FAT1: variants seen among roughly 807,000 people sequenced by gnomAD.
FAT1 encodes the protein FAT atypical cadherin 1.
FAT1 carries 171 observed loss-of-function variants against 329.8 expected under a neutral mutation model. That is an observed-to-expected ratio of 0.52 (90% CI 0.46 to 0.59). FAT1 has a LOEUF of 0.59. FAT1 is among the 20% of genes least tolerant of loss of function. The pLI, the probability that FAT1 is intolerant of heterozygous loss-of-function variation, is 0.00. For synonymous variants in FAT1, 2,233 were observed against 2,228.6 expected (o/e 1.00, Z -0.06); for missense variants, 5,672 against 5,774.4 (o/e 0.98, Z 0.57).
chr4:186,697,034 ATAAT>A (rs898921657), intron 2 of FAT1, among the ~76,000 whole-genome samples: 273 of 152,232 alleles, frequency 1.8e-3, no homozygotes, highest in African/African-American at 5.8e-3. Context: ...GTCTTAGAAA[ATAAT>A]TAATTAATTA....
Position 186,709,072 on chromosome 4 carries a change from T to C in FAT1, c.756A>G (p.Glu252=), listed in dbSNP as rs2126701304. Residue 252 remains glutamate (E), a synonymous_variant, in exon 2 of 27, where the codon GAA becomes GAG. Coordinates refer to ENST00000441802, the MANE Select transcript of FAT1 (RefSeq NM_005245.4). ...KLTVHIEQAN[E]CAPVITAVTL... ...TCACTGCTGTTATCACCGGAGCACATTCATTGGCCTGTTCGATGTGCACCG... is the reference window on the plus strand; with the variant it reads ...TCACTGCTGTTATCACCGGAGCACACTCATTGGCCTGTTCGATGTGCACCG... 2 of 1,613,920 alleles carry C rather than the reference T, an allele frequency of 1.2e-6. No homozygotes were observed. Among genetic ancestry groups the C allele is most frequent in the Non-Finnish European group, 8.5e-7 (1 of 1,179,806 alleles).
In FAT1 at chr4:186,598,034, G is replaced by C; in HGVS notation, c.12195C>G (p.Gly4065=). 2 of 1,613,864 alleles carry C rather than the reference G, an allele frequency of 1.2e-6. No homozygotes were observed. The highest frequency in any genetic ancestry group is 1.7e-6 in the Non-Finnish European group (2 of 1,179,834). ...AGCCTCCGTTGTCGACAACACACGT[G>C]CCCCCATAGAGGCATGGCTTGGAGG... ...PCSSKPCLYG[G]TCVVDNGGFV... The change falls in exon 23 of 27, where the codon GGC becomes GGG. Residue 4065 remains glycine, a synonymous_variant. Transcript: ENST00000441802.
At chr4:186,625,253 G>T (rs1044693666) in intron 9 of FAT1, among the ~76,000 whole-genome samples, 1 of 152,138 alleles carries the variant, frequency 6.6e-6, no homozygotes, top group Non-Finnish European at 1.5e-5. Context: ...TGCACAAATG[G>T]AATGCACTGT....
At position 186,623,641 on chromosome 4, in the gene FAT1, C is replaced by T. The variant is rs184291996; in HGVS notation, c.4811-1866G>A. On this transcript the variant is annotated intron_variant, in intron 9 of 26. Transcript: ENST00000441802. The stretch of plus-strand genomic sequence containing the variant: ...GTGGAGGAGGCTGGTGCTGCTAGAA[C>T]ACACTGCTTTCTGCAAAACTTGCTC... Among the ~76,000 whole-genome samples the T allele has an allele frequency of 2.3e-4, 35 of 152,304 alleles. No homozygotes were observed. The East Asian group carries it at 6.2e-3, about 27-fold the overall frequency.
At chr4:186,718,287 C>T (rs1405117150) in intron 1 of FAT1, among the ~76,000 whole-genome samples, 3 of 152,164 alleles carry the variant, frequency 2.0e-5, no homozygotes, top group South Asian at 2.1e-4. Flanking sequence ...TACTCTGATA[C>T]CACAAAATCC....
chr4:186,661,053 A>T (rs557600918), intron 3 of FAT1, among the ~76,000 whole-genome samples: 1 of 152,358 alleles, frequency 6.6e-6, no homozygotes, highest in Non-Finnish European at 1.5e-5. Context: ...AGTCTAATTC[A>T]TCAAACAAAT....
At chr4:186,701,548 T>C (rs1282239225) in intron 2 of FAT1, among the ~76,000 whole-genome samples, 1 of 152,162 alleles carries the variant, frequency 6.6e-6, no homozygotes, top group East Asian at 1.9e-4. Context: ...ATCAAGTTCC[T>C]GCTGCCAGGA....
At chr4:186,687,175 A>G (rs1400149722) in intron 2 of FAT1, among the ~76,000 whole-genome samples, 1 of 152,216 alleles carries the variant, frequency 6.6e-6, no homozygotes, top group East Asian at 1.9e-4. Flanking sequence ...GGTTATAAAA[A>G]TCAGAATTTT....
At chr4:186,715,239 G>C (rs1745155378) in intron 1 of FAT1, among the ~76,000 whole-genome samples, 1 of 151,382 alleles carries the variant, frequency 6.6e-6, no homozygotes, top group Admixed American at 6.6e-5. Flanking sequence ...CAGGTGCTCA[G>C]TCCCACCACA....
chr4:186,655,693 G>A (rs544974129), intron 3 of FAT1, among the ~76,000 whole-genome samples: 14 of 152,014 alleles, frequency 9.2e-5, no homozygotes, highest in African/African-American at 2.7e-4. Context: ...TCAGCCTCCC[G>A]AAGTGCTGGG....
intron 2 of FAT1, among the ~76,000 whole-genome samples, chr4:186,669,655 T>G (rs1049948941): frequency 6.6e-5 from 10 of 152,166 alleles, no homozygotes; most frequent in African/African-American, 2.4e-4. Context: ...GAAACTCACT[T>G]TAAATATGCA....
chr4:186,679,666 C>A (rs1743123656), intron 2 of FAT1, among the ~76,000 whole-genome samples: 1 of 150,780 alleles, frequency 6.6e-6, no homozygotes. Flanking sequence ...TCAAATATTT[C>A]CAGCTCATGA....
chr4:186,637,377 T>G (rs1248974002), intron 4 of FAT1, among the ~76,000 whole-genome samples: 1 of 152,198 alleles, frequency 6.6e-6, no homozygotes, highest in Non-Finnish European at 1.5e-5. Context: ...TTAAACTTCA[T>G]CAGTAAAATA....
At chr4:186,635,908 C>T (rs1032633999) in intron 6 of FAT1, 117 bp downstream of exon 6, 5 of 839,564 alleles carry the variant, frequency 6.0e-6, no homozygotes, top group African/African-American at 3.4e-5. Context: ...AAATTCTCCA[C>T]CTGTCGATCT....
chr4:186,637,120 G>C (rs1560956568), intron 4 of FAT1, among the ~76,000 whole-genome samples: 1 of 152,104 alleles, frequency 6.6e-6, no homozygotes, highest in African/African-American at 2.4e-5. Context: ...AGAGTCAGGG[G>C]GCCGGGCATG....
rs1743895318 is a variant in FAT1 at position 186,693,584 on chromosome 4, C to T, written c.3265+12979G>A. Among the ~76,000 whole-genome samples the T allele has an allele frequency of 1.7e-5, 2 of 117,974 alleles. 1 individual carries two copies. The highest frequency in any genetic ancestry group is 3.5e-5 in the Non-Finnish European group (2 of 56,796). The allele number at this position is 117,974 out of a possible 152,430, so 77.4% of individuals were successfully genotyped here. A position where few individuals can be genotyped will look rare whatever the true frequency, so the allele number is the denominator to read the frequency against. ...ACCTCCTGGGAGCAGGGCCCTCGAGCTCAACAGCAACTGATCAAACATGAG... is the reference window on the plus strand; with the variant it reads ...ACCTCCTGGGAGCAGGGCCCTCGAGTTCAACAGCAACTGATCAAACATGAG... On this transcript the variant is annotated intron_variant, in intron 2 of 26. Transcript: ENST00000441802.
In FAT1 at chr4:186,619,381, T is replaced by C. The variant is rs2126504996; in HGVS notation, c.7205A>G (p.His2402Arg). 1.2e-6 allele frequency: 2 copies of C among 1,613,978 alleles called. No individual in the cohort carries two copies. Among genetic ancestry groups the C allele is most frequent in the South Asian group, 2.2e-5 (2 of 91,076 alleles). Residue 2402 changes from histidine (H) to arginine (R), a missense_variant, in exon 10 of 27, where the codon CAC becomes CGC. His to Arg is a conservative substitution (Grantham distance 29). Around this residue, in one of 2 missense-constraint regions of FAT1, gnomAD observed 3,966 missense variants for 3,915.2 expected, o/e 1.01. Transcript: ENST00000441802. ...GGTCACGAAATGCCCATGAGGGGCG[T>C]GCTCGCTAATTCTGGCTTCATAAAT... is the stretch of plus-strand genomic sequence containing the variant. ...QQIYEARISE[H>R]APHGHFVTCV...
Position 186,611,471 on chromosome 4 carries a change from A to G in FAT1, c.9768T>C (p.Ser3256=). The change falls in exon 14 of 27, where the codon AGT becomes AGC. Residue 3256 remains serine (S), a synonymous_variant. Transcript: ENST00000441802. Reference sequence around the variant, plus strand: ...TTTCTGCATTTGCTTCAATATCCCGACTTGCTGCATACACTTGAAGAACTT... The same window carrying G: ...TTTCTGCATTTGCTTCAATATCCCGGCTTGCTGCATACACTTGAAGAACTT... ...GTEVLQVYAA[S]RDIEANAEIT... The G allele has an allele frequency of 6.2e-7, 1 of 1,613,918 alleles. No individual in the cohort carries two copies. The highest frequency in any genetic ancestry group is 8.5e-7 in the Non-Finnish European group (1 of 1,179,820).
At chr4:186,686,241 C>CA (rs1553998101) in intron 2 of FAT1, among the ~76,000 whole-genome samples, 1 of 146,084 alleles carries the variant, frequency 6.8e-6, no homozygotes, top group Non-Finnish European at 1.5e-5. Flanking sequence ...AATTTTCACC[C>CA]CCCCCCGACA....
Sources: gnomAD v4.1 joint callset for allele counts (sites outside exome capture counted in the v4.1 genomes callset) on GRCh38, gnomAD v4.1.1 for gene constraint, gnomAD v4.1.1 regional missense constraint, MANE v1.5 for transcripts, NCBI Gene and HGNC (gene_info 2026-07-23, HGNC 2026-07-21) for gene names.